Variants in GLIS3 observed in about 807,000 individuals in gnomAD.
GLIS3 encodes the protein GLIS family zinc finger 3.
GLIS3 carries 53 observed loss-of-function variants against 78.6 expected under a neutral mutation model. That is an observed-to-expected ratio of 0.67 (90% CI 0.54 to 0.85). The LOEUF is 0.85. Ranked by LOEUF, GLIS3 falls within the 40% of genes least tolerant of loss-of-function variation. GLIS3 has a pLI of 0.00. For synonymous variants in GLIS3, 684 were observed against 509.9 expected (o/e 1.34, Z -4.60); for missense variants, 1,703 against 1,231.1 (o/e 1.38, Z -5.74).
chr9:3,997,149 C>A (rs1166308786), intron 4 of GLIS3, among the ~76,000 whole-genome samples: 1 of 152,056 alleles, frequency 6.6e-6, no homozygotes, highest in African/African-American at 2.4e-5. Flanking sequence ...GAGTTCAAGA[C>A]CAGCCTGACC....
chr9:4,400,935 G>A, the GLIS3 span, among the ~76,000 whole-genome samples: 1 of 152,214 alleles, frequency 6.6e-6, no homozygotes, highest in Non-Finnish European at 1.5e-5. Context: ...GTATGCCGTA[G>A]GCCTCGGGCT....
chr9:3,946,485 A>G (rs1415531918), intron 4 of GLIS3, among the ~76,000 whole-genome samples: 1 of 152,244 alleles, frequency 6.6e-6, no homozygotes, highest in Non-Finnish European at 1.5e-5. Flanking sequence ...AAAAGCTTTT[A>G]TAAAATGCAT....
At chr9:4,463,744 C>T in the GLIS3 span, among the ~76,000 whole-genome samples, 1 of 152,288 alleles carries the variant, frequency 6.6e-6, no homozygotes, top group South Asian at 2.1e-4. Flanking sequence ...GCTATTGTCT[C>T]CTAATTACTT....
At chr9:4,008,804 G>C (rs1252679725) in intron 4 of GLIS3, among the ~76,000 whole-genome samples, 1 of 152,198 alleles carries the variant, frequency 6.6e-6, no homozygotes, top group Non-Finnish European at 1.5e-5. Context: ...AGAAACTTTA[G>C]AGATGACTCT....
chr9:4,303,430 T>A (rs757048071), upstream of GLIS3, among the ~76,000 whole-genome samples: 1 of 152,182 alleles, frequency 6.6e-6, no homozygotes, highest in African/African-American at 2.4e-5. Context: ...ATGCAGCAAA[T>A]TTCACATTAT....
intron 4 of GLIS3, among the ~76,000 whole-genome samples, chr9:3,978,163 A>G (rs1176872396): frequency 2.6e-5 from 4 of 152,212 alleles, no homozygotes; most frequent in Non-Finnish European, 5.9e-5. Flanking sequence ...TGGTACAGGA[A>G]AGCGGATGGT....
chr9:4,265,430 A>G (rs1387851369), intron 2 of GLIS3, among the ~76,000 whole-genome samples: 2 of 151,484 alleles, frequency 1.3e-5, no homozygotes, highest in Non-Finnish European at 2.9e-5. Flanking sequence ...TCAAGGTCCC[A>G]GAGCTGGTCA....
chr9:4,187,368 T>C (rs1817903295), intron 2 of GLIS3, among the ~76,000 whole-genome samples: 1 of 152,238 alleles, frequency 6.6e-6, no homozygotes, highest in South Asian at 2.1e-4. Flanking sequence ...TCTGTTTTGG[T>C]ACCAGTACCA....
intron 4 of GLIS3, among the ~76,000 whole-genome samples, chr9:3,983,939 G>A (rs949546676): frequency 1.3e-5 from 2 of 152,340 alleles, no homozygotes; most frequent in South Asian, 2.1e-4. Context: ...AAATAATGAA[G>A]AGTCAAATGT....
At chr9:3,987,294 G>A (rs914031895) in intron 4 of GLIS3, among the ~76,000 whole-genome samples, 18 of 151,944 alleles carry the variant, frequency 1.2e-4, no homozygotes, top group Non-Finnish European at 2.4e-4. Flanking sequence ...CAAACATAAT[G>A]AGAAAAAAAA....
intron 4 of GLIS3, among the ~76,000 whole-genome samples, chr9:4,011,875 T>A (rs192415718): frequency 2.6e-5 from 4 of 152,236 alleles, no homozygotes; most frequent in Admixed American, 2.6e-4. Flanking sequence ...GCCAAGAGAT[T>A]GGTCTCTCTT....
intron 4 of GLIS3, among the ~76,000 whole-genome samples, chr9:4,014,809 G>A (rs1588455783): frequency 6.6e-6 from 1 of 152,186 alleles, no homozygotes; most frequent in South Asian, 2.1e-4. Flanking sequence ...CACACCTGGA[G>A]AGACTTGAAT....
chr9:3,998,528 C>A (rs1820902368), intron 4 of GLIS3, among the ~76,000 whole-genome samples: 1 of 151,634 alleles, frequency 6.6e-6, no homozygotes. Context: ...CTAACACTAA[C>A]AATAAACCTA....
At chr9:4,203,766 G>C (rs7019579) in intron 2 of GLIS3, among the ~76,000 whole-genome samples, 3,345 of 152,240 alleles carry the variant, frequency 0.022, 129 homozygotes, top group African/African-American at 0.077. Context: ...CTATGGAATA[G>C]TACACAGCCA....
intron 9 of GLIS3, among the ~76,000 whole-genome samples, chr9:3,854,437 G>C (rs1337594234): frequency 1.3e-5 from 2 of 152,158 alleles, no homozygotes; most frequent in African/African-American, 2.4e-5. Flanking sequence ...ACGGAACTTT[G>C]AGCCAGAACC....
the GLIS3 span, among the ~76,000 whole-genome samples, chr9:4,385,080 G>T: frequency 6.6e-6 from 1 of 152,152 alleles, no homozygotes; most frequent in African/African-American, 2.4e-5. Context: ...AGTGTGTTTT[G>T]AATTTCTTAA....
intron 4 of GLIS3, among the ~76,000 whole-genome samples, chr9:4,030,635 C>T (rs1224048940): frequency 6.6e-6 from 1 of 152,148 alleles, no homozygotes; most frequent in African/African-American, 2.4e-5. Context: ...TTTCATTCTT[C>T]TGCGTATGGG....
chr9:4,132,908 G>A (rs574385699), intron 2 of GLIS3, among the ~76,000 whole-genome samples: 1 of 152,246 alleles, frequency 6.6e-6, no homozygotes, highest in South Asian at 2.1e-4. Flanking sequence ...AGGTCTCTGT[G>A]CCTCAGCGTA....
chr9:3,997,690 A>C (rs1454916460), intron 4 of GLIS3, among the ~76,000 whole-genome samples: 4 of 152,096 alleles, frequency 2.6e-5, no homozygotes, highest in African/African-American at 9.7e-5. Context: ...AAAAAATAGC[A>C]AACTAAGCAT....
Sources: allele counts gnomAD v4.1 joint callset (sites outside exome capture counted in the v4.1 genomes callset), GRCh38; gene constraint gnomAD v4.1.1; transcripts MANE v1.5; gene names NCBI Gene and HGNC (gene_info 2026-07-23, HGNC 2026-07-21).